The following ANKHD1 variants were observed in gnomAD, a reference collection of about 807,000 sequenced individuals.
ANKHD1 encodes the protein ankyrin repeat and KH domain-containing protein 1.
In ANKHD1, 31 loss-of-function variants were observed where a neutral mutation model predicts 230.5. The observed-to-expected ratio is 0.13, with a 90% CI of 0.10 to 0.18. The LOEUF (loss-of-function observed/expected upper bound fraction) is 0.18. ANKHD1 is among the 10% of genes least tolerant of loss of function. The probability of loss-of-function intolerance (pLI) is 1.00; values close to 1 mark genes in which losing one functional copy is unlikely to be tolerated. For synonymous variants in ANKHD1, 1,074 were observed against 1,117.6 expected (o/e 0.96, Z 0.78); for missense variants, 2,256 against 3,071.3 (o/e 0.73, Z 6.27).
chr5:140,403,090 C>G (rs752487927), intron 1 of ANKHD1, among the ~76,000 whole-genome samples: 1 of 151,382 alleles, frequency 6.6e-6, no homozygotes. Context: ...CTGCCTCAGC[C>G]TCCCGAGTAG....
At chr5:140,441,470 AGAAAG>A (rs1335310199) in intron 5 of ANKHD1, among the ~76,000 whole-genome samples, 1 of 152,188 alleles carries the variant, frequency 6.6e-6, no homozygotes, top group African/African-American at 2.4e-5. Flanking sequence ...AGCCAGACAC[AGAAAG>A]GAAAGTATTG....
intron 1 of ANKHD1, among the ~76,000 whole-genome samples, chr5:140,430,964 C>A (rs1772997736): frequency 1.3e-5 from 2 of 152,144 alleles, no homozygotes. Context: ...ATGTACCCAG[C>A]CAGCTGTATT....
At chr5:140,443,337 A>ATTTAACAATT (rs1301724318) in intron 5 of ANKHD1, among the ~76,000 whole-genome samples, 3 of 152,158 alleles carry the variant, frequency 2.0e-5, no homozygotes, top group Non-Finnish European at 2.9e-5. Context: ...TAAGATGATA[A>ATTTAACAATT]AATCAATTGC....
At position 140,419,794 on chromosome 5, in the gene ANKHD1, CTTTCTTTCTT is replaced by C. The variant is rs1561690836; in HGVS notation, c.307-16308_307-16299del. ...TTTCTTTTTCTTTCTTTCTTTCTTT[CTTTCTTTCTT>C]TCTTTCTTTCTTTCTTTCTTTCTTT... On this transcript the variant is annotated intron_variant, in intron 1 of 33. Coordinates refer to ENST00000360839, the MANE Select transcript of ANKHD1 (RefSeq NM_017747.3). Among the ~76,000 whole-genome samples the C allele has an allele frequency of 9.0e-3, 1,228 of 137,020 alleles. 15 individuals carry two copies. The highest frequency in any genetic ancestry group is 0.015 in the Admixed American group (206 of 13,722). 89.9% of individuals were successfully genotyped at this position (137,020 alleles called of 152,430 possible).
intron 11 of ANKHD1, among the ~76,000 whole-genome samples, chr5:140,483,525 T>G (rs1224109355): frequency 6.8e-6 from 1 of 147,366 alleles, no homozygotes. Context: ...TGGCGCCAAC[T>G]TGGCTTACTG....
chr5:140,486,360 G>A (rs1052236226), intron 13 of ANKHD1, among the ~76,000 whole-genome samples: 11 of 152,066 alleles, frequency 7.2e-5, no homozygotes, highest in Non-Finnish European at 5.9e-5. Context: ...CCACATGCCC[G>A]GCCGAGAAAG....
chr5:140,404,728 AT>A (rs753895215), intron 1 of ANKHD1, among the ~76,000 whole-genome samples: 540 of 135,422 alleles, frequency 4.0e-3, no homozygotes, highest in Non-Finnish European at 3.5e-3. Context: ...CCCGGCCTTA[AT>A]TTTTTTTTTT....
intron 33 of ANKHD1, 24 bp downstream of exon 33, chr5:140,539,107 T>C (rs751338417): frequency 3.2e-6 from 5 of 1,574,966 alleles, no homozygotes; most frequent in Non-Finnish European, 4.3e-6. Context: ...AATGCTCTTT[T>C]GTTTTTTAGA....
chr5:140,521,896 A>G (rs1243567299), intron 24 of ANKHD1, among the ~76,000 whole-genome samples: 4 of 152,202 alleles, frequency 2.6e-5, no homozygotes, highest in Non-Finnish European at 5.9e-5. Context: ...GGAGAATTGC[A>G]GGAACCCGAC....
At chr5:140,464,134 G>T (rs1445441834) in intron 9 of ANKHD1, among the ~76,000 whole-genome samples, 1 of 151,844 alleles carries the variant, frequency 6.6e-6, no homozygotes, top group East Asian at 1.9e-4. Context: ...TACTCGAGAG[G>T]CTGGGCCAGG....
Position 140,539,387 on chromosome 5 carries a change from T to C in ANKHD1, c.7598T>C (p.Ile2533Thr). Residue 2533 changes from isoleucine to threonine, a missense_variant, in exon 34 of 34, where the codon ATT becomes ACT. Around this residue, in one of 13 missense-constraint regions of ANKHD1, gnomAD observed 778 missense variants for 966.5 expected, o/e 0.80. Transcript: ENST00000360839. ...TGGCCTGGCACGTGGGCACCTCATA[T>C]TGGAAACATGCATCTCAAATATGTC... ...QIWPGTWAPH[I>T]GNMHLKYVN is the part of the protein sequence containing the mutation. 1 of 1,614,028 alleles carries C rather than the reference T, an allele frequency of 6.2e-7. No homozygotes were observed.
At chr5:140,496,461 C>CTTTTTTTTTT (rs770445733) in intron 14 of ANKHD1, 59 bp from the exon 15 acceptor site, 6 of 513,090 alleles carry the variant, frequency 1.2e-5, no homozygotes, top group Admixed American at 8.4e-5. Flanking sequence ...TTTTTCTTTT[C>CTTTTTTTTTT]TTTTTTTTTT....
At chr5:140,450,502 A>G (rs913462120) in intron 7 of ANKHD1, among the ~76,000 whole-genome samples, 2 of 151,218 alleles carry the variant, frequency 1.3e-5, no homozygotes, top group African/African-American at 2.4e-5. Flanking sequence ...ATATGATTCT[A>G]TGGGTTGATT....
intron 7 of ANKHD1, among the ~76,000 whole-genome samples, chr5:140,453,036 G>A (rs1409229525): frequency 1.3e-5 from 2 of 152,290 alleles, no homozygotes; most frequent in Non-Finnish European, 1.5e-5. Context: ...ACCTGATGGA[G>A]CTGAAGACCA....
At chr5:140,490,484 T>G (rs935643127) in intron 14 of ANKHD1, among the ~76,000 whole-genome samples, 7 of 152,190 alleles carry the variant, frequency 4.6e-5, no homozygotes, top group African/African-American at 1.7e-4. Context: ...TTTCAAGGAT[T>G]CAGGATTCTA....
rs146449718 is a variant in ANKHD1, at chr5:140,526,228, A to C, written c.4725A>C (p.Lys1575Asn). Residue 1575 changes from lysine (K) to asparagine (N), a missense_variant, in exon 26 of 34, where the codon AAA (lysine) becomes AAC (asparagine). Around this residue, in one of 13 missense-constraint regions of ANKHD1, gnomAD observed 212 missense variants for 257.3 expected, o/e 0.82. Transcript: ENST00000360839. ...CTTTAGCCCAACAAAAGGCAGATAA[A>C]AATAAAATAAATGGAGAACCTAGAG... ...HMSLAQQKAD[K>N]NKINGEPRGG... 6.2e-7 allele frequency: 1 copy of C among 1,614,096 alleles called. No homozygotes were observed. Among genetic ancestry groups the C allele is most frequent in the African/African-American group, 1.3e-5 (1 of 74,928 alleles).
intron 10 of ANKHD1, chr5:140,472,481 T>A (rs777409195): frequency 2.3e-6 from 3 of 1,318,420 alleles, no homozygotes; most frequent in Non-Finnish European, 2.9e-6. Flanking sequence ...GCTGGTAGTT[T>A]GTTTCCTTAG....
intron 24 of ANKHD1, among the ~76,000 whole-genome samples, chr5:140,516,716 A>G (rs1159362621): frequency 6.6e-6 from 1 of 152,170 alleles, no homozygotes; most frequent in African/African-American, 2.4e-5. Context: ...GAGAAATAAA[A>G]TACTTTACAG....
chr5:140,440,379 C>T, intron 4 of ANKHD1, 113 bp downstream of exon 4: 1 of 1,388,682 alleles, frequency 7.2e-7, no homozygotes, highest in Non-Finnish European at 9.3e-7. Flanking sequence ...TCTCTTCCCC[C>T]ATCCTCCTTC....
Sources: gnomAD v4.1 joint callset for allele counts (sites outside exome capture counted in the v4.1 genomes callset) on GRCh38, gnomAD v4.1.1 for gene constraint, gnomAD v4.1.1 regional missense constraint, MANE v1.5 for transcripts, NCBI Gene and HGNC (gene_info 2026-07-23, HGNC 2026-07-21) for gene names.